SMIM31: variants seen among roughly 807,000 people sequenced by gnomAD.
SMIM31 encodes human epithelial cell program regulator.
At chr4:164,772,582 T>TTA (rs1553965341) in intron 2 of SMIM31, among the ~76,000 whole-genome samples, 1 of 73,532 alleles carries the variant, frequency 1.4e-5, no homozygotes, top group Non-Finnish European at 3.3e-5. Flanking sequence ...TTATTTTTAT[T>TTA]TTATTTTTTT....
chr4:164,780,473 C>G (rs1732935289), intron 2 of SMIM31, among the ~76,000 whole-genome samples: 1 of 152,140 alleles, frequency 6.6e-6, no homozygotes, highest in Admixed American at 6.5e-5. Context: ...TTCTCAAAAT[C>G]CATGTAGTAG....
chr4:164,794,594 C>A (rs546372351), intron 2 of SMIM31, among the ~76,000 whole-genome samples: 1 of 152,120 alleles, frequency 6.6e-6, no homozygotes, highest in African/African-American at 2.4e-5. Context: ...ATCACAAGGT[C>A]AAGAGATCAA....
chr4:164,760,383 C>CA (rs1481650821), intron 1 of SMIM31, among the ~76,000 whole-genome samples: 1 of 151,986 alleles, frequency 6.6e-6, no homozygotes, highest in East Asian at 1.9e-4. Context: ...AGTAGTGCTT[C>CA]AAATCAGGGT....
chr4:164,763,611 T>A (rs1732679973), intron 1 of SMIM31, among the ~76,000 whole-genome samples: 1 of 152,214 alleles, frequency 6.6e-6, no homozygotes, highest in African/African-American at 2.4e-5. Context: ...CAGACACTGT[T>A]CAAAGTTCTT....
intron 2 of SMIM31, among the ~76,000 whole-genome samples, chr4:164,792,354 C>T (rs1253888055): frequency 6.6e-6 from 1 of 152,096 alleles, no homozygotes; most frequent in Non-Finnish European, 1.5e-5. Flanking sequence ...AATATCTAGG[C>T]AATATTTTGG....
At chr4:164,784,890 T>C (rs868718399) in intron 2 of SMIM31, among the ~76,000 whole-genome samples, 1 of 119,826 alleles carries the variant, frequency 8.3e-6, no homozygotes, top group South Asian at 2.5e-4. Context: ...TGTTTGTTTA[T>C]TTGTTTGGGT....
At chr4:164,796,595 A>G (rs1733198513) in intron 2 of SMIM31, among the ~76,000 whole-genome samples, 1 of 152,178 alleles carries the variant, frequency 6.6e-6, no homozygotes, top group African/African-American at 2.4e-5. Context: ...TCTAAACTTA[A>G]TTCCTGATCT....
chr4:164,791,500 T>C (rs192655146), intron 2 of SMIM31, among the ~76,000 whole-genome samples: 27 of 152,190 alleles, frequency 1.8e-4, no homozygotes, highest in African/African-American at 6.3e-4. Context: ...ACCCAGCTAA[T>C]TTTTGTAATT....
intron 2 of SMIM31, among the ~76,000 whole-genome samples, chr4:164,784,916 C>T (rs1381766785): frequency 3.7e-5 from 4 of 109,424 alleles, no homozygotes; most frequent in Non-Finnish European, 5.7e-5. Context: ...TTTTTAATTC[C>T]GTGAGTTGTA....
chr4:164,762,930 A>G (rs1251752967), intron 1 of SMIM31, among the ~76,000 whole-genome samples: 1 of 152,214 alleles, frequency 6.6e-6, no homozygotes, highest in Non-Finnish European at 1.5e-5. Flanking sequence ...CTCCTTGGGC[A>G]AAAATAAAGC....
At chr4:164,782,377 A>ATTTTTTTTTT (rs760284575) in intron 2 of SMIM31, among the ~76,000 whole-genome samples, 1 of 98,678 alleles carries the variant, frequency 1.0e-5, no homozygotes, top group Non-Finnish European at 1.7e-5. Flanking sequence ...TCTTTCTTTT[A>ATTTTTTTTTT]TTTTTTTTTT....
chr4:164,757,333 G>A (rs1355337193), intron 1 of SMIM31, among the ~76,000 whole-genome samples: 2 of 152,084 alleles, frequency 1.3e-5, no homozygotes, highest in Non-Finnish European at 2.9e-5. Flanking sequence ...CGTCAAATAT[G>A]CATTTTGTTA....
intron 1 of SMIM31, among the ~76,000 whole-genome samples, chr4:164,767,872 A>G (rs1732739977): frequency 6.6e-6 from 1 of 152,148 alleles, no homozygotes; most frequent in Admixed American, 6.5e-5. Context: ...ATTTCTACTG[A>G]CAATTCAAAG....
intron 2 of SMIM31, among the ~76,000 whole-genome samples, chr4:164,780,632 A>G (rs185388538): frequency 6.6e-6 from 1 of 152,350 alleles, no homozygotes; most frequent in African/African-American, 2.4e-5. Flanking sequence ...CAAAGGCATT[A>G]ATAACTGTGT....
chr4:164,767,705 C>T (rs4234976), intron 1 of SMIM31, among the ~76,000 whole-genome samples: 70,722 of 152,100 alleles, frequency 0.46, 17,356 homozygotes, highest in Admixed American at 0.55. Flanking sequence ...ATGCAGAAAT[C>T]ACCTCTTCTT....
chr4:164,780,194 A>C (rs771954569), intron 2 of SMIM31, among the ~76,000 whole-genome samples: 2 of 152,296 alleles, frequency 1.3e-5, no homozygotes, highest in South Asian at 4.1e-4. Flanking sequence ...TTGGGAGGCC[A>C]AGGCGGGTGG....
At chr4:164,758,622 CTTTTTTTGT>C (rs1276191108) in intron 1 of SMIM31, among the ~76,000 whole-genome samples, 35 of 105,422 alleles carry the variant, frequency 3.3e-4, no homozygotes, top group Middle Eastern at 5.7e-3. Context: ...TGTAGTTTTC[CTTTTTTTGT>C]TTTTTTTTTT....
intron 2 of SMIM31, among the ~76,000 whole-genome samples, chr4:164,799,039 C>T (rs921375501): frequency 6.6e-6 from 1 of 152,112 alleles, no homozygotes; most frequent in African/African-American, 2.4e-5. Flanking sequence ...GATGCCGGTG[C>T]CACGCTTGGG....
chr4:164,758,817 T>C, intron 1 of SMIM31, among the ~76,000 whole-genome samples: 1 of 28,966 alleles, frequency 3.5e-5, no homozygotes, highest in African/African-American at 9.6e-5. Flanking sequence ...TTTTTTTTTT[T>C]TTTTTTTTTT....
Sources: gnomAD v4.1 joint callset for allele counts (sites outside exome capture counted in the v4.1 genomes callset) on GRCh38, gnomAD v4.1.1 for gene constraint, MANE v1.5 for transcripts, NCBI Gene and HGNC (gene_info 2026-07-23, HGNC 2026-07-21) for gene names.